PIGB: variants seen among roughly 807,000 people sequenced by gnomAD.
PIGB encodes the protein GPI alpha-1,2-mannosyltransferase 3.
In PIGB, 58 loss-of-function variants were observed where a neutral mutation model predicts 68.4. The ratio of observed to expected loss-of-function variants is 0.85; its 90% CI spans 0.69 to 1.06. The LOEUF is 1.06. PIGB is among the 50% of genes least tolerant of loss of function. The probability of loss-of-function intolerance (pLI) is 0.00; values close to 1 mark genes in which losing one functional copy is unlikely to be tolerated. For synonymous variants in PIGB, 219 were observed against 220.5 expected (o/e 0.99, Z 0.06); for missense variants, 634 against 655.8 (o/e 0.97, Z 0.36).
intron 6 of PIGB, among the ~76,000 whole-genome samples, chr15:55,338,907 C>T (rs1057365635): frequency 7.2e-5 from 11 of 152,128 alleles, no homozygotes; most frequent in Admixed American, 6.5e-4. Context: ...AATTCATGAG[C>T]GACCTCGAGC....
chr15:55,339,649 A>G (rs1406692057), intron 7 of PIGB, among the ~76,000 whole-genome samples: 3 of 152,240 alleles, frequency 2.0e-5, no homozygotes. Context: ...AATATGTCAC[A>G]TTGTAAAGTA....
chr15:55,322,753 G>A (rs1029041260), intron 3 of PIGB, among the ~76,000 whole-genome samples: 2 of 152,174 alleles, frequency 1.3e-5, no homozygotes, highest in South Asian at 2.1e-4. Flanking sequence ...TGGGGAAGGA[G>A]AATTCAGAGC....
rs781458755 is a variant in PIGB at position 55,333,993 on chromosome 15, T to A, written c.780T>A (p.His260Gln). Residue 260 changes from histidine to glutamine, a missense_variant, in exon 6 of 12, where the codon CAT becomes CAA. Coordinates refer to ENST00000164305, the MANE Select transcript of PIGB (RefSeq NM_004855.5). ...EPRKLDLILH[H>Q]FLPVGFVTLS... is the part of the protein sequence containing the mutation. ...GAAAGCTTGATCTTATTCTACATCATTTTTTACCTGTAGGGTAAGTGTGGC... is the reference window on the plus strand; with the variant it reads ...GAAAGCTTGATCTTATTCTACATCAATTTTTACCTGTAGGGTAAGTGTGGC... The A allele has an allele frequency of 4.4e-6, 7 of 1,599,252 alleles. No individual in the cohort carries two copies. Among genetic ancestry groups the A allele is most frequent in the Non-Finnish European group, 6.0e-6 (7 of 1,172,992 alleles).
chr15:55,336,026 CAA>C (rs61140816), intron 6 of PIGB, among the ~76,000 whole-genome samples: 40,820 of 151,998 alleles, frequency 0.27, 6,607 homozygotes, highest in East Asian at 0.55. Flanking sequence ...CTCTCAAAGT[CAA>C]AGTCTGTGGG....
rs1256985536 is a variant in PIGB at position 55,320,221 on chromosome 15, A to G, written c.164-54A>G. On this transcript the variant is annotated intron_variant, in intron 1 of 11. Coordinates refer to ENST00000164305, the MANE Select transcript of PIGB (RefSeq NM_004855.5). ...AGAGCAGCAGATTTTAAGTTTTGCA[A>G]GTGGAACTGCCTGACTTTTGTGCCA... is the stretch of plus-strand genomic sequence containing the variant. 62 of 1,570,036 alleles carry G rather than the reference A, an allele frequency of 3.9e-5. No individual in the cohort carries two copies. Among genetic ancestry groups the G allele is most frequent in the Non-Finnish European group, 5.0e-5 (58 of 1,153,900 alleles).
intron 9 of PIGB, among the ~76,000 whole-genome samples, chr15:55,345,886 G>A (rs1275158305): frequency 6.6e-6 from 1 of 152,062 alleles, no homozygotes; most frequent in Non-Finnish European, 1.5e-5. Context: ...ACCACCTTTT[G>A]TTGTTCTTAT....
intron 6 of PIGB, among the ~76,000 whole-genome samples, chr15:55,338,436 C>T (rs998535052): frequency 1.3e-5 from 2 of 151,984 alleles, no homozygotes; most frequent in Non-Finnish European, 2.9e-5. Flanking sequence ...GCTTGAGGCC[C>T]GGAGTTTGAG....
At chr15:55,349,237 C>T (rs1237671046) in intron 9 of PIGB, among the ~76,000 whole-genome samples, 1 of 152,102 alleles carries the variant, frequency 6.6e-6, no homozygotes, top group African/African-American at 2.4e-5. Context: ...GGCTGGAGTG[C>T]AGTGGCGTGG....
chr15:55,328,734 G>A (rs889556847), intron 4 of PIGB, among the ~76,000 whole-genome samples: 4 of 152,190 alleles, frequency 2.6e-5, no homozygotes, highest in African/African-American at 9.6e-5. Context: ...TTGGGAGGCT[G>A]AGGTGGGCGG....
intron 9 of PIGB, among the ~76,000 whole-genome samples, chr15:55,345,248 CAAG>C (rs1163276837): frequency 6.6e-6 from 1 of 151,630 alleles, no homozygotes; most frequent in Non-Finnish European, 1.5e-5. Flanking sequence ...AGACATTCCA[CAAG>C]GAATTAAAAA....
intron 5 of PIGB, 89 bp downstream of exon 5, chr15:55,329,943 C>T (rs922759522): frequency 5.5e-6 from 5 of 906,144 alleles, no homozygotes; most frequent in Non-Finnish European, 8.1e-6. Context: ...TAGTAGACCC[C>T]CTAATTTTCA....
intron 10 of PIGB, among the ~76,000 whole-genome samples, chr15:55,354,010 A>AAAAAAAAAAAAAAAAAAC (rs2056001391): frequency 1.7e-5 from 2 of 120,104 alleles, no homozygotes; most frequent in African/African-American, 8.2e-5. Context: ...AAAAAAAAAA[A>AAAAAAAAAAAAAAAAAAC]CACTTCAAAC....
chr15:55,346,860 A>T (rs1566958065), intron 9 of PIGB: 2 of 152,208 alleles, frequency 1.3e-5, no homozygotes, highest in Admixed American at 1.3e-4. Context: ...CATGGACCTT[A>T]GGCTTCTCTT....
chr15:55,336,779 G>C (rs1448226961), intron 6 of PIGB, among the ~76,000 whole-genome samples: 2 of 152,200 alleles, frequency 1.3e-5, no homozygotes, highest in African/African-American at 4.8e-5. Context: ...CCTGAGGTCA[G>C]GAGTTCAAGA....
At chr15:55,346,863 C>T (rs1033512247) in intron 9 of PIGB, 5 of 152,150 alleles carry the variant, frequency 3.3e-5, no homozygotes, top group Non-Finnish European at 7.3e-5. Flanking sequence ...GGACCTTAGG[C>T]TTCTCTTGTG....
In PIGB at chr15:55,327,647, A is replaced by AG; in HGVS notation, c.522+12_522+13insG. The AG allele has an allele frequency of 6.7e-7, 1 of 1,483,178 alleles. No individual in the cohort carries two copies. The highest frequency in any genetic ancestry group is 9.4e-7 in the Non-Finnish European group (1 of 1,064,260). The allele number at this position is 1,483,178 out of a possible 1,614,324, so 91.9% of individuals were successfully genotyped here. A position where few individuals can be genotyped will look rare whatever the true frequency, so the allele number is the denominator to read the frequency against. ...TGGCAAGATGGGTGGTAAGTCCTAA[A>AG]TACTTTAGAAGCTGTATGCCAGTTA... On this transcript the variant is annotated intron_variant, in intron 4 of 11. Transcript: ENST00000164305.
intron 9 of PIGB, among the ~76,000 whole-genome samples, chr15:55,342,231 CAT>C (rs2055687180): frequency 2.0e-5 from 3 of 152,284 alleles, no homozygotes; most frequent in South Asian, 4.1e-4. Flanking sequence ...AGTAAAGTAA[CAT>C]GTCTGTTTTT....
At chr15:55,330,802 C>T (rs1338023088) in intron 5 of PIGB, among the ~76,000 whole-genome samples, 13 of 152,096 alleles carry the variant, frequency 8.5e-5, no homozygotes, top group Admixed American at 7.9e-4. Context: ...TCCATTCTTC[C>T]TACACAAAAG....
Position 55,319,300 on chromosome 15 carries a change from C to T in PIGB, c.50C>T (p.Ala17Val), listed in dbSNP as rs755152463. 1 of 1,604,522 alleles carries T rather than the reference C, an allele frequency of 6.2e-7. No homozygotes were observed. Among genetic ancestry groups the T allele is most frequent in the Non-Finnish European group, 8.5e-7 (1 of 1,176,068 alleles). The change falls in exon 1 of 12, where the codon GCC becomes GTC. Residue 17 changes from alanine (A) to valine (V), a missense_variant. Transcript: ENST00000164305. ...GGAATGGAGCCGGGGGGCGGAGATG[C>T]CAGCCTCACTTTGCATGGTCTCCAG... ...KCGMEPGGGD[A>V]SLTLHGLQNR...
Sources: gnomAD v4.1 joint callset for allele counts (sites outside exome capture counted in the v4.1 genomes callset) on GRCh38, gnomAD v4.1.1 for gene constraint, MANE v1.5 for transcripts, NCBI Gene and HGNC (gene_info 2026-07-23, HGNC 2026-07-21) for gene names.